Variants in STAU2 observed in about 807,000 individuals in gnomAD.
STAU2 encodes the protein staufen double-stranded RNA binding protein 2, also known as double-stranded RNA-binding protein Staufen homolog 2.
STAU2 carries 20 observed loss-of-function variants against 65.9 expected under a neutral mutation model. That is an observed-to-expected ratio of 0.30 (90% CI 0.21 to 0.44). STAU2 has a LOEUF of 0.44. Among genes scored for constraint, STAU2 ranks in the 20% least tolerant of loss-of-function variants. The probability of loss-of-function intolerance (pLI) is 1.00; values close to 1 mark genes in which losing one functional copy is unlikely to be tolerated. For synonymous variants in STAU2, 232 were observed against 233.9 expected, an observed-to-expected ratio of 0.99 and a Z score of 0.07; for missense variants, 558 against 683.9, an observed-to-expected ratio of 0.82 and a Z score of 2.05.
rs192967874 is a variant in STAU2 at position 73,714,199 on chromosome 8, G to A, written c.-17-5037C>T. 1.9e-4 allele frequency among the ~76,000 whole-genome samples: 29 copies of A among 152,152 alleles called. No homozygotes were observed. The East Asian group carries it at 5.4e-3, about 28-fold the overall frequency. ...ATTACAGGCGTGAGCCACCACGCCC[G>A]GCCTTAAACACAGTTTCTATGTCTC... is the stretch of plus-strand genomic sequence containing the variant. On this transcript the variant is annotated intron_variant, in intron 3 of 14. Transcript: ENST00000524300.
chr8:73,451,046 C>T (rs985322844), intron 13 of STAU2, among the ~76,000 whole-genome samples: 6 of 152,132 alleles, frequency 3.9e-5, no homozygotes, highest in African/African-American at 9.7e-5. Context: ...CCCAGTTATC[C>T]GTGTGCTGAT....
intron 12 of STAU2, among the ~76,000 whole-genome samples, chr8:73,559,771 A>T (rs7825328): frequency 0.8 from 121,274 of 152,026 alleles, 48,731 homozygotes; most frequent in Admixed American, 0.84. Flanking sequence ...AGTATTTGTA[A>T]GTGACTCCAC....
At chr8:73,443,018 G>A (rs143368206) in intron 13 of STAU2, among the ~76,000 whole-genome samples, 24 of 152,242 alleles carry the variant, frequency 1.6e-4, no homozygotes, top group African/African-American at 5.1e-4. Flanking sequence ...ATTCCAATAC[G>A]CAACTTCAAA....
chr8:73,473,759 TA>T (rs1190219342), intron 13 of STAU2, among the ~76,000 whole-genome samples: 6 of 152,076 alleles, frequency 3.9e-5, no homozygotes, highest in African/African-American at 1.4e-4. Flanking sequence ...GCTCACTAGC[TA>T]AAAAATAAAA....
chr8:73,675,311 TACAGCACTGAATGCCTGCATGAAA>T (rs561908918), intron 5 of STAU2, among the ~76,000 whole-genome samples: 173 of 151,790 alleles, frequency 1.1e-3, no homozygotes, highest in African/African-American at 4.0e-3. Context: ...GAGCAAAGTT[TACAGCACTGAATGCCTGCATGAAA>T]AAGTCTGAAA....
At chr8:73,546,873 C>T (rs543204052) in intron 13 of STAU2, among the ~76,000 whole-genome samples, 9 of 152,294 alleles carry the variant, frequency 5.9e-5, no homozygotes, top group Admixed American at 3.9e-4. Flanking sequence ...GGAAAAATTA[C>T]ATCATTGTCA....
upstream of STAU2, chr8:73,747,168 C>T (rs1276919666): frequency 7.8e-6 from 4 of 513,414 alleles, no homozygotes; most frequent in African/African-American, 6.1e-5. Context: ...GGGCGAGGGC[C>T]ATTCCCGGGG....
chr8:73,504,910 A>G (rs185713923), intron 13 of STAU2, among the ~76,000 whole-genome samples: 54 of 152,266 alleles, frequency 3.5e-4, no homozygotes, highest in African/African-American at 1.2e-3. Flanking sequence ...ATTTGTAACT[A>G]TTCAGAAGAA....
chr8:73,668,981 C>T (rs1817451000), intron 6 of STAU2: 1 of 689,268 alleles, frequency 1.5e-6, no homozygotes, highest in South Asian at 1.5e-5. Flanking sequence ...TAAATGATAC[C>T]TGTTTCTTGG....
rs143347999 is a variant in STAU2 at position 73,558,565 on chromosome 8, A to C, written c.1223-6246T>G. Among the ~76,000 whole-genome samples, 243 of 152,322 alleles carry C rather than the reference A, an allele frequency of 1.6e-3. 3 individuals carry two copies. The East Asian group carries it at 0.029, about 18-fold the overall frequency. The stretch of plus-strand genomic sequence containing the variant: ...AGGTTTTATAAGCGAACTTAGGAGA[A>C]CCTTGCCTTTCAATGATCACTGATG... On this transcript the variant is annotated intron_variant, in intron 12 of 14. Transcript: ENST00000524300.
At chr8:73,649,866 A>ATT (rs1554555906) in intron 6 of STAU2, among the ~76,000 whole-genome samples, 10 of 40,226 alleles carry the variant, frequency 2.5e-4, no homozygotes, top group Non-Finnish European at 9.6e-5. Context: ...CTTCTATATA[A>ATT]TTTTATATAT....
At chr8:73,730,207 A>G (rs992210375) in intron 3 of STAU2, among the ~76,000 whole-genome samples, 33 of 152,290 alleles carry the variant, frequency 2.2e-4, no homozygotes, top group African/African-American at 7.5e-4. Flanking sequence ...TAAGTCACAT[A>G]TATTGTTTCC....
intron 6 of STAU2, among the ~76,000 whole-genome samples, chr8:73,648,201 C>T (rs1025146699): frequency 3.9e-5 from 6 of 152,110 alleles, no homozygotes; most frequent in Admixed American, 1.3e-4. Context: ...AATTTACATC[C>T]CACATATACT....
rs558627271 is a variant in STAU2, at chr8:73,563,744, C to A, written c.1223-11425G>T. On this transcript the variant is annotated intron_variant, in intron 12 of 14. Coordinates refer to ENST00000524300, the MANE Select transcript of STAU2 (RefSeq NM_001164380.2). The stretch of plus-strand genomic sequence containing the variant: ...GCCCAGGCTGGTCTTAAGCTCCTGG[C>A]CTCCCACTTCAACCTCCCAAAGCAT... Among the ~76,000 whole-genome samples the A allele has an allele frequency of 7.9e-5, 12 of 152,192 alleles. No individual in the cohort carries two copies. In the South Asian group the frequency reaches 2.5e-3, roughly 32 times the overall value.
At chr8:73,693,898 C>G (rs1272715566) in intron 4 of STAU2, among the ~76,000 whole-genome samples, 1 of 152,236 alleles carries the variant, frequency 6.6e-6, no homozygotes, top group Non-Finnish European at 1.5e-5. Context: ...AACACCCCCA[C>G]TTGAAAGTCA....
rs5892422 is a variant in STAU2 at position 73,479,712 on chromosome 8, C to CGTGTGTGT, written c.1531-57018_1531-57011dup. Among the ~76,000 whole-genome samples, 1,158 of 143,846 alleles carry CGTGTGTGT rather than the reference C, an allele frequency of 8.1e-3. 10 individuals are homozygous for CGTGTGTGT. The highest frequency in any genetic ancestry group is 0.012 in the African/African-American group (457 of 38,360). 94.4% of individuals were successfully genotyped at this position (143,846 alleles called of 152,430 possible). On this transcript the variant is annotated intron_variant, in intron 13 of 14. Coordinates refer to ENST00000524300, the MANE Select transcript of STAU2 (RefSeq NM_001164380.2). ...TCCAACAAAGATACACTTAAATATA[C>CGTGTGTGT]GTGTGTGTGTGTGTGTGTGTGTGTG... is the stretch of plus-strand genomic sequence containing the variant.
intron 4 of STAU2, among the ~76,000 whole-genome samples, chr8:73,694,052 T>C (rs985167389): frequency 2.0e-5 from 3 of 152,350 alleles, no homozygotes; most frequent in Admixed American, 1.3e-4. Context: ...AGAATGGCTA[T>C]ATTAATATCA....
At chr8:73,656,647 A>G (rs1315367945) in intron 6 of STAU2, among the ~76,000 whole-genome samples, 1 of 152,238 alleles carries the variant, frequency 6.6e-6, no homozygotes, top group East Asian at 1.9e-4. Flanking sequence ...CATTTGTTTT[A>G]TAAAATGTTT....
intron 6 of STAU2, among the ~76,000 whole-genome samples, chr8:73,648,294 A>T (rs954531763): frequency 1.3e-5 from 2 of 152,306 alleles, no homozygotes; most frequent in Admixed American, 1.3e-4. Context: ...TGAGGCTTCG[A>T]GTGTTTTACT....
Sources: gnomAD v4.1 joint callset for allele counts (sites outside exome capture counted in the v4.1 genomes callset) on GRCh38, gnomAD v4.1.1 for gene constraint, MANE v1.5 for transcripts, NCBI Gene and HGNC (gene_info 2026-07-23, HGNC 2026-07-21) for gene names.